Variants in DLGAP1 observed in about 807,000 individuals in gnomAD.
DLGAP1 encodes DLG associated protein 1.
In DLGAP1, 11 loss-of-function variants were observed where a neutral mutation model predicts 90.8. The ratio of observed to expected loss-of-function variants is 0.12; its 90% CI spans 0.08 to 0.20. DLGAP1 has a LOEUF of 0.20. Among genes scored for constraint, DLGAP1 ranks in the 10% least tolerant of loss-of-function variants. The pLI is 1.00. For synonymous variants in DLGAP1, 558 were observed against 540.7 expected, an observed-to-expected ratio of 1.03 and a Z score of -0.44; for missense variants, 1,050 against 1,333.8, an observed-to-expected ratio of 0.79 and a Z score of 3.31.
intron 1 of DLGAP1, among the ~76,000 whole-genome samples, chr18:4,400,575 T>C (rs1404159377): frequency 6.6e-6 from 1 of 152,054 alleles, no homozygotes; most frequent in Non-Finnish European, 1.5e-5. Context: ...CTGCAGGACA[T>C]ACACAGAATG....
intron 1 of DLGAP1, among the ~76,000 whole-genome samples, chr18:4,432,929 T>TAA (rs145287520): frequency 6.6e-6 from 1 of 151,864 alleles, no homozygotes; most frequent in African/African-American, 2.4e-5. Context: ...TAGGTCTTTT[T>TAA]AAAAAAAACA....
intron 3 of DLGAP1, among the ~76,000 whole-genome samples, chr18:3,915,259 C>A (rs1348265): frequency 0.56 from 84,881 of 152,022 alleles, 23,843 homozygotes; most frequent in African/African-American, 0.6. Flanking sequence ...AAGAATTTTA[C>A]TAGTTTTATC....
rs138552434 is a variant in DLGAP1 at position 3,954,581 on chromosome 18, C to T, written c.-73+50535G>A. On this transcript the variant is annotated intron_variant, in intron 3 of 12. Coordinates refer to ENST00000315677, the MANE Select transcript of DLGAP1 (RefSeq NM_004746.4). Reference sequence around the variant, plus strand: ...AGTTATGTGACTTATCTCTCCAGTGCCACAGCATTGTGTTCAAATAAAGGG... The same window carrying T: ...AGTTATGTGACTTATCTCTCCAGTGTCACAGCATTGTGTTCAAATAAAGGG... Among the ~76,000 whole-genome samples, 82 of 152,244 alleles carry T rather than the reference C, an allele frequency of 5.4e-4. No homozygotes were observed. In the East Asian group the frequency reaches 0.015, roughly 28 times the overall value.
Position 4,005,413 on chromosome 18 carries a change from A to G in DLGAP1, c.-158-212T>C, listed in dbSNP as rs73942435. 4.3e-3 allele frequency among the ~76,000 whole-genome samples: 660 copies of G among 152,246 alleles called. 3 individuals are homozygous for G. The highest frequency in any genetic ancestry group is 0.014 in the African/African-American group (578 of 41,546). On this transcript the variant is annotated intron_variant, in intron 2 of 12. Coordinates refer to ENST00000315677, the MANE Select transcript of DLGAP1 (RefSeq NM_004746.4). Reference sequence around the variant, plus strand: ...CTGAATTCACTTTTTTCCTCTAAACATCTTTCCTTCTGAATTTCTTTGTTG... The same window carrying G: ...CTGAATTCACTTTTTTCCTCTAAACGTCTTTCCTTCTGAATTTCTTTGTTG...
At chr18:4,063,651 A>G (rs2075331331) in intron 2 of DLGAP1, among the ~76,000 whole-genome samples, 1 of 152,090 alleles carries the variant, frequency 6.6e-6, no homozygotes, top group Non-Finnish European at 1.5e-5. Context: ...TAAAAATCTG[A>G]AAAGAAACAT....
At chr18:4,152,509 T>C (rs1359588646) in intron 1 of DLGAP1, among the ~76,000 whole-genome samples, 1 of 152,218 alleles carries the variant, frequency 6.6e-6, no homozygotes, top group Admixed American at 6.5e-5. Flanking sequence ...GTTCAGTCTC[T>C]TTAGAAACTC....
Position 3,814,131 on chromosome 18 carries a change from G to A in DLGAP1, c.1100C>T (p.Pro367Leu), listed in dbSNP as rs1235282558. 2 of 1,613,920 alleles carry A rather than the reference G, an allele frequency of 1.2e-6. No individual in the cohort carries two copies. The highest frequency in any genetic ancestry group is 1.3e-5 in the African/African-American group (1 of 74,882). ...GDSDTSPKPS[P>L]KVAARRESYL... is the part of the protein sequence containing the mutation. ...GCTTTCTCTCCGCGCAGCAACTTTT[G>A]GAGAAGGCTTAGGACTCGTGTCTGA... Residue 367 changes from proline to leucine, a missense_variant, in exon 5 of 13, where the codon CCA (proline) becomes CTA (leucine). Around this residue, in one of 2 missense-constraint regions of DLGAP1, gnomAD observed 565 missense variants for 879.7 expected, o/e 0.64. Coordinates refer to ENST00000315677, the MANE Select transcript of DLGAP1 (RefSeq NM_004746.4).
intron 1 of DLGAP1, among the ~76,000 whole-genome samples, chr18:4,369,262 CAT>C (rs2081858471): frequency 6.6e-6 from 1 of 151,782 alleles, no homozygotes; most frequent in South Asian, 2.1e-4. Context: ...ACTATATATG[CAT>C]ATATGTTTGT....
chr18:3,973,090 G>A (rs1406595852), intron 3 of DLGAP1, among the ~76,000 whole-genome samples: 1 of 151,876 alleles, frequency 6.6e-6, no homozygotes, highest in African/African-American at 2.4e-5. Flanking sequence ...CTTAATTCTG[G>A]GACTATTAAG....
At chr18:3,567,311 G>A (rs550683942) in intron 9 of DLGAP1, among the ~76,000 whole-genome samples, 179 bp downstream of exon 9, 1 of 152,134 alleles carries the variant, frequency 6.6e-6, no homozygotes, top group South Asian at 2.1e-4. Flanking sequence ...CAAATGGAGT[G>A]GTGTCTAGTA....
chr18:3,918,301 T>C (rs1406975055), intron 3 of DLGAP1, among the ~76,000 whole-genome samples: 3 of 152,212 alleles, frequency 2.0e-5, no homozygotes, highest in Non-Finnish European at 4.4e-5. Context: ...AGATTTCAAG[T>C]ACGTAAACTG....
intron 1 of DLGAP1, among the ~76,000 whole-genome samples, chr18:4,262,095 T>G (rs1431680431): frequency 6.6e-6 from 1 of 152,214 alleles, no homozygotes; most frequent in Non-Finnish European, 1.5e-5. Flanking sequence ...AACTACTTAT[T>G]CCCCATTTCA....
At chr18:4,398,562 T>C (rs2082485950) in intron 1 of DLGAP1, among the ~76,000 whole-genome samples, 1 of 152,168 alleles carries the variant, frequency 6.6e-6, no homozygotes, top group African/African-American at 2.4e-5. Flanking sequence ...CAGAAAATGT[T>C]TTGAAACTGA....
intron 3 of DLGAP1, among the ~76,000 whole-genome samples, chr18:3,945,562 A>G (rs568985214): frequency 2.0e-4 from 30 of 152,332 alleles, no homozygotes; most frequent in South Asian, 4.1e-4. Context: ...GGGAAAAAAG[A>G]AAGGCCAAGA....
At chr18:3,859,380 T>C (rs897400922) in intron 4 of DLGAP1, among the ~76,000 whole-genome samples, 1 of 152,194 alleles carries the variant, frequency 6.6e-6, no homozygotes, top group Non-Finnish European at 1.5e-5. Flanking sequence ...ATGTTTTAGA[T>C]AGTAGATTCT....
intron 7 of DLGAP1, among the ~76,000 whole-genome samples, chr18:3,602,478 C>T (rs1489006059): frequency 6.6e-6 from 1 of 151,322 alleles, no homozygotes; most frequent in East Asian, 2.0e-4. Flanking sequence ...GCCTGTAGTC[C>T]CAGCTACTCG....
intron 1 of DLGAP1, among the ~76,000 whole-genome samples, chr18:4,367,030 A>AAAAAAAC (rs71160960): frequency 7.4e-6 from 1 of 135,070 alleles, no homozygotes; most frequent in Non-Finnish European, 1.6e-5. Context: ...AAAAAAAAAA[A>AAAAAAAC]TCTTGTACTT....
intron 1 of DLGAP1, among the ~76,000 whole-genome samples, chr18:4,353,681 AAT>A (rs1157358665): frequency 4.0e-5 from 6 of 151,166 alleles, no homozygotes; most frequent in Non-Finnish European, 8.8e-5. Flanking sequence ...GTTATATTTA[AAT>A]ATATATGATA....
chr18:4,086,644 G>A (rs1346605433), intron 2 of DLGAP1, among the ~76,000 whole-genome samples: 1 of 151,628 alleles, frequency 6.6e-6, no homozygotes, highest in East Asian at 1.9e-4. Flanking sequence ...TAATTCCATC[G>A]TGGTCTGAGA....
Sources: gnomAD v4.1 joint callset for allele counts (sites outside exome capture counted in the v4.1 genomes callset) on GRCh38, gnomAD v4.1.1 for gene constraint, gnomAD v4.1.1 regional missense constraint, MANE v1.5 for transcripts, NCBI Gene and HGNC (gene_info 2026-07-23, HGNC 2026-07-21) for gene names.